CCDC38: variants seen among roughly 807,000 people sequenced by gnomAD.
CCDC38 encodes the protein coiled-coil domain containing 38.
A neutral mutation model predicts 72.8 loss-of-function variants in CCDC38; 69 were observed. The ratio of observed to expected loss-of-function variants is 0.95; its 90% CI spans 0.78 to 1.16. CCDC38 has a LOEUF of 1.16. Among genes scored for constraint, CCDC38 ranks in the 50% most tolerant of loss-of-function variants. CCDC38 has a pLI of 0.00. For synonymous variants in CCDC38, 201 were observed against 213.2 expected, an observed-to-expected ratio of 0.94 and a Z score of 0.50; for missense variants, 626 against 638.9, an observed-to-expected ratio of 0.98 and a Z score of 0.22.
At chr12:95,939,641 G>A (rs773698036) in intron 1 of CCDC38, among the ~76,000 whole-genome samples, 1 of 152,200 alleles carries the variant, frequency 6.6e-6, no homozygotes, top group Non-Finnish European at 1.5e-5. Context: ...AGAAGGCAGT[G>A]GGGGAAGGGG....
At chr12:95,920,807 T>C (rs1047713897) in intron 2 of CCDC38, among the ~76,000 whole-genome samples, 1 of 151,928 alleles carries the variant, frequency 6.6e-6, no homozygotes, top group Admixed American at 6.6e-5. Flanking sequence ...TGTTCTACAC[T>C]AAATAAAAAA....
At chr12:95,886,590 T>C (rs1467928722) in intron 10 of CCDC38, among the ~76,000 whole-genome samples, 1 of 152,202 alleles carries the variant, frequency 6.6e-6, no homozygotes, top group Non-Finnish European at 1.5e-5. Flanking sequence ...GTATCTAATA[T>C]ATACAGAATT....
At chr12:95,876,595 C>A (rs1393996419) in intron 13 of CCDC38, among the ~76,000 whole-genome samples, 1 of 152,074 alleles carries the variant, frequency 6.6e-6, no homozygotes, top group Non-Finnish European at 1.5e-5. Context: ...TAGAAAAAAA[C>A]AGCACTGAAT....
intron 10 of CCDC38, among the ~76,000 whole-genome samples, chr12:95,887,948 G>A (rs533191717): frequency 1.3e-5 from 2 of 152,248 alleles, no homozygotes; most frequent in African/African-American, 2.4e-5. Flanking sequence ...CTGTGATGCT[G>A]GCCCAGATCC....
chr12:95,871,686 A>AATGTTGAGGAATAAATCAGTGC (rs1456463251), intron 14 of CCDC38, among the ~76,000 whole-genome samples: 2 of 152,152 alleles, frequency 1.3e-5, no homozygotes, highest in African/African-American at 2.4e-5. Flanking sequence ...TAAATGAGTG[A>AATGTTGAGGAATAAATCAGTGC]ATGTTGTGTA....
intron 13 of CCDC38, among the ~76,000 whole-genome samples, chr12:95,873,151 C>A (rs2079599865): frequency 6.6e-6 from 1 of 152,094 alleles, no homozygotes; most frequent in African/African-American, 2.4e-5. Flanking sequence ...GTAACCCAGC[C>A]CCCCTCCTTT....
intron 7 of CCDC38, among the ~76,000 whole-genome samples, chr12:95,897,859 G>T (rs2079907461): frequency 6.6e-6 from 1 of 152,030 alleles, no homozygotes; most frequent in Non-Finnish European, 1.5e-5. Context: ...GCTTCCAAAG[G>T]AGCTGAGAGG....
At chr12:95,934,542 T>A (rs896842095) in intron 2 of CCDC38, 13 of 152,110 alleles carry the variant, frequency 8.5e-5, no homozygotes, top group Middle Eastern at 3.2e-3. Context: ...GAGGAAAATC[T>A]TAGCCCTGTC....
chr12:95,887,796 G>A (rs1379082309), intron 10 of CCDC38, among the ~76,000 whole-genome samples: 5 of 152,110 alleles, frequency 3.3e-5, no homozygotes, highest in Non-Finnish European at 7.3e-5. Flanking sequence ...ACAATTGTAC[G>A]TGAATCTAAA....
chr12:95,871,945 A>C (rs897557546), intron 14 of CCDC38, among the ~76,000 whole-genome samples: 2 of 152,202 alleles, frequency 1.3e-5, no homozygotes, highest in African/African-American at 4.8e-5. Flanking sequence ...ATATAATTAC[A>C]AAGATTTGCT....
intron 5 of CCDC38, among the ~76,000 whole-genome samples, chr12:95,901,155 C>A (rs907744794): frequency 2.0e-5 from 3 of 152,126 alleles, no homozygotes; most frequent in African/African-American, 4.8e-5. Context: ...GAACAGTAGT[C>A]TGATTATGGA....
chr12:95,936,533 GAA>G lies in CCDC38; in HGVS notation c.-14-12_-14-11del, dbSNP rs56667838. The G allele has an allele frequency of 1.1e-5, 17 of 1,589,608 alleles. No homozygotes were observed. The highest frequency in any genetic ancestry group is 5.7e-5 in the South Asian group (5 of 87,450). On this transcript the variant is annotated splice_polypyrimidine_tract_variant and intron_variant, in intron 1 of 15. Coordinates refer to ENST00000344280, the MANE Select transcript of CCDC38 (RefSeq NM_182496.3). ...ATTTTCTTGCCTGGCCCTGTTGAAAGAAAAAAAAATACGTTTTTTAAAAATTC... is the reference window on the plus strand; with the variant it reads ...ATTTTCTTGCCTGGCCCTGTTGAAAGAAAAAAATACGTTTTTTAAAAATTC...
intron 2 of CCDC38, among the ~76,000 whole-genome samples, chr12:95,931,392 T>TA (rs1305630266): frequency 1.3e-5 from 2 of 152,238 alleles, no homozygotes; most frequent in Non-Finnish European, 2.9e-5. Flanking sequence ...AACTTAATCA[T>TA]ATTTGCAAAG....
intron 10 of CCDC38, among the ~76,000 whole-genome samples, chr12:95,884,197 T>C (rs568433297): frequency 1.3e-5 from 2 of 152,328 alleles, no homozygotes; most frequent in African/African-American, 4.8e-5. Flanking sequence ...ACAGGAATCT[T>C]TAAAAACAAA....
intron 5 of CCDC38, among the ~76,000 whole-genome samples, chr12:95,901,359 A>C (rs2079948481): frequency 6.6e-6 from 1 of 152,220 alleles, no homozygotes. Context: ...TTTAGGAAAC[A>C]TGAAGTCTGA....
intron 4 of CCDC38, among the ~76,000 whole-genome samples, chr12:95,916,205 T>C (rs2080141991): frequency 6.6e-6 from 1 of 152,192 alleles, no homozygotes; most frequent in African/African-American, 2.4e-5. Context: ...TACAATTATA[T>C]ATGCACTTGG....
chr12:95,888,092 G>A (rs1358895830), intron 10 of CCDC38, among the ~76,000 whole-genome samples: 1 of 152,082 alleles, frequency 6.6e-6, no homozygotes, highest in South Asian at 2.1e-4. Context: ...AAGTGAGGGG[G>A]AAAACAACAA....
At chr12:95,936,111 A>G (rs915785026) in intron 2 of CCDC38, among the ~76,000 whole-genome samples, 21 of 152,138 alleles carry the variant, frequency 1.4e-4, no homozygotes, top group African/African-American at 4.6e-4. Context: ...AAATAAAATA[A>G]ATAAAAATAA....
chr12:95,897,646 A>C (rs1223767367), intron 7 of CCDC38, among the ~76,000 whole-genome samples: 1 of 150,890 alleles, frequency 6.6e-6, no homozygotes, highest in African/African-American at 2.4e-5. Context: ...AGTTCAAGTG[A>C]GTTTCCTTGA....
Sources: gnomAD v4.1 joint callset for allele counts (sites outside exome capture counted in the v4.1 genomes callset) on GRCh38, gnomAD v4.1.1 for gene constraint, MANE v1.5 for transcripts, NCBI Gene and HGNC (gene_info 2026-07-23, HGNC 2026-07-21) for gene names.